The following CCDC73 variants were observed in gnomAD, a reference collection of about 807,000 sequenced individuals.
CCDC73 encodes coiled-coil domain containing 73.
CCDC73 carries 95 observed loss-of-function variants against 116.5 expected under a neutral mutation model. The ratio of observed to expected loss-of-function variants is 0.82; its 90% CI spans 0.69 to 0.97. The LOEUF (loss-of-function observed/expected upper bound fraction) is 0.97, where lower values mean the gene tolerates loss of function less well. CCDC73 is among the 50% of genes least tolerant of loss of function. CCDC73 has a pLI of 0.00. For missense variants in CCDC73, 1,066 were observed against 1,206.8 expected (o/e 0.88, Z 1.73); for synonymous variants, 398 against 401.3 (o/e 0.99, Z 0.10).
the CCDC73 span, among the ~76,000 whole-genome samples, chr11:32,819,940 G>T: frequency 6.6e-6 from 1 of 152,090 alleles, no homozygotes; most frequent in Admixed American, 6.5e-5. Context: ...GGCCTGGAAT[G>T]ATGTACTCCA....
chr11:32,806,302 G>C, the CCDC73 span, among the ~76,000 whole-genome samples: 3 of 152,132 alleles, frequency 2.0e-5, no homozygotes, highest in Non-Finnish European at 2.9e-5. Context: ...ACACAAAGGA[G>C]ACACAGGAAA....
chr11:32,798,935 G>C (rs779190559), upstream of CCDC73, among the ~76,000 whole-genome samples: 9 of 149,398 alleles, frequency 6.0e-5, no homozygotes, highest in Non-Finnish European at 1.2e-4. Context: ...CGTTGAGACA[G>C]AGTCTCATTT....
intron 2 of CCDC73, among the ~76,000 whole-genome samples, chr11:32,758,849 C>G (rs1227310219): frequency 6.6e-6 from 1 of 152,032 alleles, no homozygotes; most frequent in Non-Finnish European, 1.5e-5. Flanking sequence ...AAAAACACTT[C>G]TTTATAATAC....
chr11:32,608,705 C>T (rs753549344), intron 17 of CCDC73, among the ~76,000 whole-genome samples: 33 of 152,224 alleles, frequency 2.2e-4, no homozygotes, highest in Non-Finnish European at 2.9e-4. Flanking sequence ...TCCACATTGC[C>T]CTAGCAGAGG....
chr11:32,751,276 T>A (rs112525592), intron 2 of CCDC73, among the ~76,000 whole-genome samples: 1,573 of 152,124 alleles, frequency 0.01, 26 homozygotes, highest in African/African-American at 0.036. Context: ...CTGCCTGGGG[T>A]TGAAGAGGGG....
At chr11:32,699,587 T>C (rs1418104663) in intron 5 of CCDC73, among the ~76,000 whole-genome samples, 2 of 152,102 alleles carry the variant, frequency 1.3e-5, no homozygotes, top group African/African-American at 2.4e-5. Flanking sequence ...TGTAGGGACA[T>C]GGATGAAGCT....
intron 2 of CCDC73, among the ~76,000 whole-genome samples, chr11:32,729,747 A>G (rs1850059175): frequency 6.6e-6 from 1 of 152,148 alleles, no homozygotes; most frequent in Admixed American, 6.5e-5. Context: ...CTCCAACTCT[A>G]ACGCAGCAGC....
intron 4 of CCDC73, among the ~76,000 whole-genome samples, chr11:32,701,752 G>A (rs1243612745): frequency 1.3e-5 from 2 of 151,880 alleles, no homozygotes; most frequent in East Asian, 1.9e-4. Flanking sequence ...CACACCAAAG[G>A]AAAATTATGA....
At chr11:32,807,628 G>A in the CCDC73 span, among the ~76,000 whole-genome samples, 3 of 150,698 alleles carry the variant, frequency 2.0e-5, no homozygotes, top group Non-Finnish European at 4.4e-5. Context: ...GCTATTGTTA[G>A]TGTTAGTGTG....
intron 14 of CCDC73, among the ~76,000 whole-genome samples, chr11:32,628,425 C>G (rs115975743): frequency 0.015 from 2,271 of 152,284 alleles, 59 homozygotes; most frequent in African/African-American, 0.051. Flanking sequence ...TAATCTGTTG[C>G]TGGATATTAA....
At chr11:32,659,543 C>T (rs1031815456) in intron 9 of CCDC73, among the ~76,000 whole-genome samples, 3 of 152,022 alleles carry the variant, frequency 2.0e-5, no homozygotes, top group Non-Finnish European at 4.4e-5. Context: ...TAAGAGTAGA[C>T]GACCTTGGAA....
At chr11:32,725,684 T>C (rs1361742944) in intron 2 of CCDC73, among the ~76,000 whole-genome samples, 1 of 152,192 alleles carries the variant, frequency 6.6e-6, no homozygotes, top group Non-Finnish European at 1.5e-5. Context: ...TAGGTTGGTC[T>C]AGAAGGTTGG....
intron 14 of CCDC73, among the ~76,000 whole-genome samples, chr11:32,619,663 A>G (rs1368130682): frequency 1.3e-5 from 2 of 149,712 alleles, no homozygotes; most frequent in Non-Finnish European, 3.0e-5. Flanking sequence ...ACAGAGGGAG[A>G]CCCTGTTGAA....
chr11:32,710,456 G>T (rs186444312), intron 3 of CCDC73, among the ~76,000 whole-genome samples: 247 of 152,246 alleles, frequency 1.6e-3, no homozygotes, highest in African/African-American at 5.7e-3. Context: ...TGATCATTCA[G>T]GAGCCGGCTA....
chr11:32,820,243 TC>T, the CCDC73 span, among the ~76,000 whole-genome samples: 1 of 152,092 alleles, frequency 6.6e-6, no homozygotes, highest in African/African-American at 2.4e-5. Flanking sequence ...AGCCTCGATC[TC>T]CCAGGCTCAA....
chr11:32,731,178 A>G (rs1362983802), intron 2 of CCDC73, among the ~76,000 whole-genome samples: 1 of 152,230 alleles, frequency 6.6e-6, no homozygotes, highest in Admixed American at 6.5e-5. Flanking sequence ...GCTCACTGCT[A>G]GCACAGCAGT....
intron 1 of CCDC73, among the ~76,000 whole-genome samples, chr11:32,774,738 ATTATTTC>A (rs1344218404): frequency 6.6e-6 from 1 of 152,232 alleles, no homozygotes; most frequent in African/African-American, 2.4e-5. Context: ...ACAATGATTT[ATTATTTC>A]TTATAATTTC....
At chr11:32,675,459 T>A in intron 9 of CCDC73, 106 bp downstream of exon 9, 1 of 644,668 alleles carries the variant, frequency 1.6e-6, no homozygotes, top group South Asian at 2.1e-5. Flanking sequence ...TGAAAACAAT[T>A]TATCCTCTAC....
intron 9 of CCDC73, among the ~76,000 whole-genome samples, chr11:32,670,831 A>G (rs1233369379): frequency 6.6e-6 from 1 of 152,192 alleles, no homozygotes; most frequent in African/African-American, 2.4e-5. Context: ...TTATTGCTAT[A>G]AGACAATAGG....
Sources: allele counts gnomAD v4.1 joint callset (sites outside exome capture counted in the v4.1 genomes callset), GRCh38; gene constraint gnomAD v4.1.1; transcripts MANE v1.5; gene names NCBI Gene and HGNC (gene_info 2026-07-23, HGNC 2026-07-21).